ZNF568: variants seen among roughly 807,000 people sequenced by gnomAD.
The protein encoded by ZNF568 is p53 inhibitor of SCO2 activation.
ZNF568 carries 11 observed loss-of-function variants against 18.1 expected under a neutral mutation model. The observed-to-expected ratio is 0.61, with a 90% confidence interval of 0.38 to 1.00. The LOEUF (loss-of-function observed/expected upper bound fraction) is 1.00, where lower values mean the gene tolerates loss of function less well. Among genes scored for constraint, ZNF568 ranks in the 50% least tolerant of loss-of-function variants. The pLI is 0.01. For synonymous variants in ZNF568, 213 were observed against 246.6 expected, an observed-to-expected ratio of 0.86 and a Z score of 1.28; for missense variants, 639 against 768.2, an observed-to-expected ratio of 0.83 and a Z score of 1.99.
At chr19:36,935,823 T>C (rs2073780948) in intron 4 of ZNF568, among the ~76,000 whole-genome samples, 1 of 152,190 alleles carries the variant, frequency 6.6e-6, no homozygotes. Context: ...GTTTTTTCCA[T>C]CACTTTATTT....
At position 36,951,981 on chromosome 19, in the gene ZNF568, CTG is replaced by C. The variant is rs2146314862; in HGVS notation, c.*896_*897del. On this transcript the variant is annotated 3_prime_UTR_variant, in exon 7 of 7. Coordinates refer to ENST00000333987, the MANE Select transcript of ZNF568 (RefSeq NM_198539.4). ...AAATACTGGAATTTGAAAAGCCAAA[CTG>C]TGAAACCATTGGGAGAAAATAGATG... 1 of 978,274 alleles carries C rather than the reference CTG, an allele frequency of 1.0e-6. No homozygotes were observed. Among genetic ancestry groups the C allele is most frequent in the Admixed American group, 6.6e-5 (1 of 15,158 alleles). The allele number at this position is 978,274 out of a possible 1,614,324, so 60.6% of individuals were successfully genotyped here.
At chr19:36,917,440 A>G (rs936800818) in intron 1 of ZNF568, 139 bp from the exon 2 acceptor site, 5 of 152,218 alleles carry the variant, frequency 3.3e-5, no homozygotes, top group Admixed American at 6.5e-5. Flanking sequence ...CCAGTCTACC[A>G]CCTTAAGAAA....
At chr19:36,994,920 G>A (rs981193657) in intron 4 of ZNF568, among the ~76,000 whole-genome samples, 3 of 152,068 alleles carry the variant, frequency 2.0e-5, no homozygotes, top group African/African-American at 7.2e-5. Context: ...AAAGTTCTGG[G>A]ATTACAAGCG....
At chr19:36,924,614 A>T (rs1214341423) in intron 3 of ZNF568, among the ~76,000 whole-genome samples, 2 of 149,744 alleles carry the variant, frequency 1.3e-5, no homozygotes, top group Non-Finnish European at 3.0e-5. Flanking sequence ...GGATCCCTTG[A>T]GGTCAGGAGT....
intron 2 of ZNF568, among the ~76,000 whole-genome samples, chr19:36,918,780 C>T (rs1453788562): frequency 6.6e-6 from 1 of 152,196 alleles, no homozygotes; most frequent in Admixed American, 6.5e-5. Context: ...ACCTATCAAA[C>T]AATAACTCTG....
At chr19:36,921,042 C>A (rs1223009434) in intron 2 of ZNF568, among the ~76,000 whole-genome samples, 2 of 152,132 alleles carry the variant, frequency 1.3e-5, no homozygotes, top group Admixed American at 6.5e-5. Flanking sequence ...GTAGGCTATA[C>A]CATCCACATT....
Position 36,950,949 on chromosome 19 carries a change from C to T in ZNF568, c.1796C>T (p.Ser599Leu), listed in dbSNP as rs1459673470. 3 of 1,613,608 alleles carry T rather than the reference C, an allele frequency of 1.9e-6. No homozygotes were observed. The highest frequency in any genetic ancestry group is 1.7e-5 in the Admixed American group (1 of 59,930). ...TGTGGGAAAGCCTTTTCTCAGTGCTCATTACTTATTATACATATGAGAAGT... is the reference window on the plus strand; with the variant it reads ...TGTGGGAAAGCCTTTTCTCAGTGCTTATTACTTATTATACATATGAGAAGT... ...NKCGKAFSQC[S>L]LLIIHMRSHT... The change falls in exon 7 of 7, where the codon TCA becomes TTA. Residue 599 changes from serine (S) to leucine (L), a missense_variant. By Grantham distance (145) the Ser-to-Leu change is moderately radical. Transcript: ENST00000333987.
chr19:36,958,978 A>G (rs1330018377), intron 6 of ZNF568, among the ~76,000 whole-genome samples: 3 of 152,196 alleles, frequency 2.0e-5, no homozygotes, highest in African/African-American at 7.2e-5. Flanking sequence ...AAAAGGCACA[A>G]TTTGACTTCC....
At chr19:36,954,002 T>G (rs2074089022), downstream of ZNF568, among the ~76,000 whole-genome samples, 1 of 152,170 alleles carries the variant, frequency 6.6e-6, no homozygotes, top group Non-Finnish European at 1.5e-5. Flanking sequence ...GGCGGGCCGA[T>G]TACTTGAGGT....
At chr19:36,920,697 TAAA>T (rs1345922395) in intron 2 of ZNF568, among the ~76,000 whole-genome samples, 1 of 151,702 alleles carries the variant, frequency 6.6e-6, no homozygotes, top group Non-Finnish European at 1.5e-5. Context: ...TTTGAAGAAA[TAAA>T]AATTTTATAA....
intron 2 of ZNF568, among the ~76,000 whole-genome samples, chr19:36,919,333 A>G (rs1045855601): frequency 3.9e-5 from 6 of 152,194 alleles, no homozygotes; most frequent in Non-Finnish European, 8.8e-5. Context: ...CATGTGCCAT[A>G]TATGTATGGA....
At chr19:36,994,889 A>G (rs541140472) in intron 4 of ZNF568, among the ~76,000 whole-genome samples, 1 of 152,130 alleles carries the variant, frequency 6.6e-6, no homozygotes, top group East Asian at 1.9e-4. Flanking sequence ...TGACCTCGAG[A>G]TCTGCCGGCC....
chr19:36,918,545 ATC>A (rs1008069616), intron 2 of ZNF568, among the ~76,000 whole-genome samples: 2 of 152,210 alleles, frequency 1.3e-5, no homozygotes, highest in Non-Finnish European at 2.9e-5. Context: ...TGTATTTTTT[ATC>A]TGAGGCTGAT....
chr19:36,922,177 A>G (rs2073468485), intron 2 of ZNF568, among the ~76,000 whole-genome samples: 1 of 152,190 alleles, frequency 6.6e-6, no homozygotes, highest in South Asian at 2.1e-4. Context: ...ATGAAGTTGC[A>G]GTCAAGTTGT....
At chr19:36,937,045 T>A (rs2073802146) in intron 5 of ZNF568, 102 bp from the exon 6 acceptor site, 1 of 1,382,972 alleles carries the variant, frequency 7.2e-7, no homozygotes, top group African/African-American at 1.4e-5. Flanking sequence ...GTAAGTTCAT[T>A]CATCCTCATC....
chr19:36,976,454 T>G (rs1431001305), intron 7 of ZNF568: 1 of 152,234 alleles, frequency 6.6e-6, no homozygotes, highest in Non-Finnish European at 1.5e-5. Flanking sequence ...CAAAAATTCT[T>G]GGCAAGTCAT....
intron 4 of ZNF568, among the ~76,000 whole-genome samples, chr19:36,992,348 A>G (rs1335352108): frequency 6.6e-6 from 1 of 151,828 alleles, no homozygotes; most frequent in Non-Finnish European, 1.5e-5. Flanking sequence ...CTAAAAATAC[A>G]AAAATTAGCT....
At chr19:36,934,304 CT>C (rs201377492) in intron 4 of ZNF568, among the ~76,000 whole-genome samples, 31,010 of 128,762 alleles carry the variant, frequency 0.24, 4,243 homozygotes, top group East Asian at 0.61. Context: ...CTTCTAGTAT[CT>C]TTTTTTTTTT....
chr19:36,988,750 G>C (rs748350961), intron 2 of ZNF568, among the ~76,000 whole-genome samples: 6 of 152,060 alleles, frequency 3.9e-5, no homozygotes, highest in Non-Finnish European at 8.8e-5. Context: ...CATATTTATG[G>C]GGTACAATTT....
Sources: gnomAD v4.1 joint callset for allele counts (sites outside exome capture counted in the v4.1 genomes callset) on GRCh38, gnomAD v4.1.1 for gene constraint, MANE v1.5 for transcripts, NCBI Gene and HGNC (gene_info 2026-07-23, HGNC 2026-07-21) for gene names.